The following TRIQK variants were observed in gnomAD, a reference collection of about 807,000 sequenced individuals.
TRIQK encodes triple QxxK/R motif containing.
Under a neutral mutation model 10.8 loss-of-function variants are expected in TRIQK, and 10 were observed. That is an observed-to-expected ratio of 0.92 (90% confidence interval 0.57 to 1.57). TRIQK has a LOEUF of 1.57. Among genes scored for constraint, TRIQK ranks in the 40% most tolerant of loss-of-function variants. TRIQK has a pLI of 0.00. For synonymous variants in TRIQK, 33 were observed against 33.7 expected (o/e 0.98, Z 0.07); for missense variants, 107 against 97.7 (o/e 1.09, Z -0.40).
intron 1 of TRIQK, among the ~76,000 whole-genome samples, chr8:92,986,936 A>T (rs1266564613): frequency 6.6e-6 from 1 of 152,212 alleles, no homozygotes; most frequent in Non-Finnish European, 1.5e-5. Flanking sequence ...TGAAAGTATT[A>T]TAAATCAGGA....
chr8:92,979,063 G>T (rs923003446), intron 1 of TRIQK, among the ~76,000 whole-genome samples: 18 of 152,128 alleles, frequency 1.2e-4, no homozygotes, highest in African/African-American at 3.9e-4. Context: ...GAAAGTGTTT[G>T]TTCCATAATA....
At chr8:92,947,654 A>G (rs1001654171) in intron 2 of TRIQK, among the ~76,000 whole-genome samples, 11 of 150,814 alleles carry the variant, frequency 7.3e-5, no homozygotes, top group Non-Finnish European at 1.3e-4. Flanking sequence ...TCATTCTTTA[A>G]TCCTTGTGAT....
At chr8:92,909,212 C>T (rs1283287023) in intron 3 of TRIQK, among the ~76,000 whole-genome samples, 1 of 151,812 alleles carries the variant, frequency 6.6e-6, no homozygotes, top group African/African-American at 2.4e-5. Flanking sequence ...AATAAAATTA[C>T]AAATGCTCAC....
Position 92,955,636 on chromosome 8 carries a change from C to T in TRIQK, c.-180-1072G>A, listed in dbSNP as rs141611230. Among the ~76,000 whole-genome samples, 473 of 151,708 alleles carry T rather than the reference C, an allele frequency of 3.1e-3. 3 individuals carry two copies. Among genetic ancestry groups the T allele is most frequent in the African/African-American group, 0.011 (454 of 41,470 alleles). ...GAACATGACCAAAAAAGTGCAAAGA[C>T]AGTCTGCAGAATAGAAGAAAATACT... On this transcript the variant is annotated intron_variant, in intron 1 of 4. Transcript: ENST00000521988.
At chr8:92,956,669 AC>A (rs1336833932) in intron 1 of TRIQK, among the ~76,000 whole-genome samples, 1 of 151,796 alleles carries the variant, frequency 6.6e-6, no homozygotes, top group African/African-American at 2.4e-5. Context: ...AACCTCATCT[AC>A]CATAATTACA....
chr8:92,998,519 T>A (rs1317782111), intron 1 of TRIQK, among the ~76,000 whole-genome samples: 3 of 152,038 alleles, frequency 2.0e-5, no homozygotes, highest in Non-Finnish European at 4.4e-5. Flanking sequence ...TGTATGCATT[T>A]TATATCTCAT....
chr8:92,912,023 AC>A (rs1314506469), intron 3 of TRIQK, among the ~76,000 whole-genome samples: 1 of 151,208 alleles, frequency 6.6e-6, no homozygotes, highest in Non-Finnish European at 1.5e-5. Flanking sequence ...GATTATTGAG[AC>A]AAAAAACTCA....
rs1360162309 is a variant in TRIQK, at chr8:92,884,997, T to TA, written c.*1624dup. The TA allele has an allele frequency of 1.8e-5, 8 of 456,100 alleles. No homozygotes were observed. Among genetic ancestry groups the TA allele is most frequent in the South Asian group, 1.1e-4 (7 of 64,538 alleles). 28.3% of individuals were successfully genotyped at this position (456,100 alleles called of 1,614,324 possible). A position where few individuals can be genotyped will look rare whatever the true frequency, so the allele number is the denominator to read the frequency against. The stretch of plus-strand genomic sequence containing the variant: ...TGGCATTAAATGCTGCAACCTTTCC[T>TA]AAAAATGCCACTTGGATTGGTCCGC... On this transcript the variant is annotated 3_prime_UTR_variant, in exon 5 of 5. Transcript: ENST00000521988.
intron 1 of TRIQK, among the ~76,000 whole-genome samples, chr8:93,000,123 A>C (rs1813193548): frequency 6.6e-6 from 1 of 152,226 alleles, no homozygotes; most frequent in Non-Finnish European, 1.5e-5. Flanking sequence ...CAAAATATGA[A>C]ACAGGTAGTT....
chr8:92,891,396 G>C (rs1327651972), intron 4 of TRIQK, among the ~76,000 whole-genome samples: 4 of 151,790 alleles, frequency 2.6e-5, no homozygotes, highest in Admixed American at 2.0e-4. Context: ...GCAAAAGATT[G>C]ACATGGGCAA....
intron 1 of TRIQK, among the ~76,000 whole-genome samples, chr8:92,982,589 T>C (rs61559801): frequency 0.1 from 15,593 of 151,978 alleles, 1,901 homozygotes; most frequent in African/African-American, 0.29. Flanking sequence ...CCTGGAACAT[T>C]GGCCAGATGT....
At chr8:92,975,410 C>T (rs1410969085) in intron 1 of TRIQK, among the ~76,000 whole-genome samples, 1 of 152,072 alleles carries the variant, frequency 6.6e-6, no homozygotes, top group Non-Finnish European at 1.5e-5. Context: ...CTTTAGTGAC[C>T]ATTAGTAGTT....
At chr8:92,927,323 A>G (rs1810494097) in intron 2 of TRIQK, among the ~76,000 whole-genome samples, 1 of 152,156 alleles carries the variant, frequency 6.6e-6, no homozygotes, top group Admixed American at 6.5e-5. Flanking sequence ...GTTCTACGGT[A>G]TCTAAAGGTA....
intron 2 of TRIQK, among the ~76,000 whole-genome samples, chr8:92,947,157 A>C (rs762874918): frequency 9.9e-5 from 15 of 152,130 alleles, no homozygotes; most frequent in Non-Finnish European, 1.6e-4. Context: ...CTAACAGTAC[A>C]AAAATCTAGT....
intron 1 of TRIQK, among the ~76,000 whole-genome samples, chr8:92,988,336 T>C (rs2130748234): frequency 6.6e-6 from 1 of 152,252 alleles, no homozygotes; most frequent in East Asian, 1.9e-4. Flanking sequence ...TAAATTATTA[T>C]ACCCAAAAGG....
upstream of TRIQK, among the ~76,000 whole-genome samples, chr8:92,969,444 A>G (rs1484029962): frequency 6.6e-6 from 1 of 151,902 alleles, no homozygotes; most frequent in Non-Finnish European, 1.5e-5. Flanking sequence ...AACCCAACAT[A>G]TGGTTTATCT....
intron 1 of TRIQK, among the ~76,000 whole-genome samples, chr8:93,003,975 C>G (rs1025316260): frequency 6.6e-6 from 1 of 152,206 alleles, no homozygotes. Context: ...GCAGCCCCCA[C>G]AGCTACTTTC....
chr8:92,911,299 G>T (rs1334712596), intron 3 of TRIQK, among the ~76,000 whole-genome samples: 1 of 150,728 alleles, frequency 6.6e-6, no homozygotes, highest in East Asian at 1.9e-4. Context: ...TAAATAGAAA[G>T]AATCAAAGTA....
At chr8:93,017,147 G>GAGAA (rs2130766774) in intron 1 of TRIQK, among the ~76,000 whole-genome samples, 1 of 119,582 alleles carries the variant, frequency 8.4e-6, no homozygotes, top group Non-Finnish European at 1.9e-5. Context: ...GAGAGAGAGA[G>GAGAA]AGAGAGAGAG....
Sources: allele counts gnomAD v4.1 joint callset (sites outside exome capture counted in the v4.1 genomes callset), GRCh38; gene constraint gnomAD v4.1.1; transcripts MANE v1.5; gene names NCBI Gene and HGNC (gene_info 2026-07-23, HGNC 2026-07-21).